The following PAPPA variants were observed in gnomAD, a reference collection of about 807,000 sequenced individuals.
The protein encoded by PAPPA is pappalysin-1.
A neutral mutation model predicts 164.0 loss-of-function variants in PAPPA; 60 were observed. The ratio of observed to expected loss-of-function variants is 0.37; its 90% CI spans 0.30 to 0.45. The LOEUF (loss-of-function observed/expected upper bound fraction) is 0.45. Ranked by LOEUF, PAPPA falls within the 20% of genes least tolerant of loss-of-function variation. PAPPA has a pLI of 1.00. For missense variants in PAPPA, 1,782 were observed against 2,087.3 expected (o/e 0.85, Z 2.85); for synonymous variants, 875 against 814.1 (o/e 1.07, Z -1.27).
At chr9:116,231,212 A>G (rs1356650089) in intron 6 of PAPPA, among the ~76,000 whole-genome samples, 1 of 152,186 alleles carries the variant, frequency 6.6e-6, no homozygotes, top group Non-Finnish European at 1.5e-5. Context: ...ATAAACATGT[A>G]ATTTTTAATT....
intron 7 of PAPPA, among the ~76,000 whole-genome samples, chr9:116,237,714 C>A (rs1044943391): frequency 4.0e-5 from 6 of 151,652 alleles, no homozygotes; most frequent in Admixed American, 2.6e-4. Flanking sequence ...TAATTCTTCT[C>A]TCTCTCTTTT....
rs1481249313 is a variant in PAPPA at position 116,187,063 on chromosome 9, C to A, written c.416-91C>A. On this transcript the variant is annotated intron_variant, in intron 1 of 21. Coordinates refer to ENST00000328252, the MANE Select transcript of PAPPA (RefSeq NM_002581.5). This position sits in a 1 kb window ranked among gnomAD's most constrained non-coding sequence, Gnocchi z 4.2. ...TTGGAAAGCGATGAGTCTAGGATAACCTGATACAAATTTTATTAGAGAAAA... is the reference window on the plus strand; with the variant it reads ...TTGGAAAGCGATGAGTCTAGGATAAACTGATACAAATTTTATTAGAGAAAA... 3.2e-6 allele frequency: 3 copies of A among 932,572 alleles called. No homozygotes were observed. Among genetic ancestry groups the A allele is most frequent in the East Asian group, 2.6e-5 (1 of 38,954 alleles). 57.8% of individuals were successfully genotyped at this position (932,572 alleles called of 1,614,324 possible).
At chr9:116,383,494 T>C (rs969486537) in intron 21 of PAPPA, among the ~76,000 whole-genome samples, 1 of 151,724 alleles carries the variant, frequency 6.6e-6, no homozygotes, top group Non-Finnish European at 1.5e-5. Context: ...CTGAGGCCCA[T>C]AAAAGAGGAA....
chr9:116,322,901 A>G (rs1845877253), intron 10 of PAPPA, among the ~76,000 whole-genome samples: 1 of 152,114 alleles, frequency 6.6e-6, no homozygotes, highest in African/African-American at 2.4e-5. Context: ...ATTTTCTTCT[A>G]TAAGGCTCAT....
At chr9:116,276,674 A>C (rs756860093) in intron 9 of PAPPA, among the ~76,000 whole-genome samples, 1 of 152,144 alleles carries the variant, frequency 6.6e-6, no homozygotes, top group Non-Finnish European at 1.5e-5. Flanking sequence ...TCTTTCCCAG[A>C]CGTGGAGGCA....
chr9:116,174,110 C>T (rs1217301143), intron 1 of PAPPA, among the ~76,000 whole-genome samples: 1 of 152,148 alleles, frequency 6.6e-6, no homozygotes. Flanking sequence ...TATTTCCCTG[C>T]TTGCATTATT....
At chr9:116,281,498 A>G (rs1449752351) in intron 9 of PAPPA, among the ~76,000 whole-genome samples, 1 of 152,120 alleles carries the variant, frequency 6.6e-6, no homozygotes, top group Non-Finnish European at 1.5e-5. Flanking sequence ...CACTGAAGCA[A>G]ATGACACTCT....
intron 7 of PAPPA, among the ~76,000 whole-genome samples, chr9:116,255,889 C>T (rs1204681969): frequency 6.6e-6 from 1 of 151,798 alleles, no homozygotes; most frequent in African/African-American, 2.4e-5. Flanking sequence ...TGTCATCTTA[C>T]TATCTTTGCC....
At position 116,170,753 on chromosome 9, in the gene PAPPA, C is replaced by A. The variant is rs184849367; in HGVS notation, c.415+16166C>A. ...GCTATCCATCCATCTATCCATCCAT[C>A]CATTCATCTGTCCATCCATCCTTCC... On this transcript the variant is annotated intron_variant, in intron 1 of 21. Transcript: ENST00000328252. Among the ~76,000 whole-genome samples, 33 of 152,090 alleles carry A rather than the reference C, an allele frequency of 2.2e-4. No homozygotes were observed. In the East Asian group the frequency reaches 5.8e-3, roughly 27 times the overall value.
At chr9:116,158,867 A>T (rs559646029) in intron 1 of PAPPA, among the ~76,000 whole-genome samples, 128 of 152,324 alleles carry the variant, frequency 8.4e-4, no homozygotes, top group African/African-American at 3.0e-3. Context: ...GACTTGGTCT[A>T]AAGTCCCACA....
At chr9:116,184,378 G>A (rs1350143544) in intron 1 of PAPPA, among the ~76,000 whole-genome samples, 1 of 152,174 alleles carries the variant, frequency 6.6e-6, no homozygotes, top group Non-Finnish European at 1.5e-5. Flanking sequence ...GTTTGAGGAG[G>A]ACCTGGGCTT....
chr9:116,240,046 A>G (rs1844717705), intron 7 of PAPPA, among the ~76,000 whole-genome samples: 1 of 152,186 alleles, frequency 6.6e-6, no homozygotes. Context: ...CTTGGCCTAT[A>G]TGGAATCTTC....
chr9:116,311,559 A>G (rs1482794006), intron 10 of PAPPA, among the ~76,000 whole-genome samples: 1 of 152,218 alleles, frequency 6.6e-6, no homozygotes, highest in Non-Finnish European at 1.5e-5. Flanking sequence ...ATTGTTTCAC[A>G]GAGGAAGCAT....
chr9:116,194,661 G>T (rs1190572148), intron 2 of PAPPA, among the ~76,000 whole-genome samples: 1 of 152,086 alleles, frequency 6.6e-6, no homozygotes, highest in Non-Finnish European at 1.5e-5. Flanking sequence ...GCTATCCTGT[G>T]GCATGTCATG....
chr9:116,361,412 G>A (rs968702343), intron 17 of PAPPA, among the ~76,000 whole-genome samples: 1 of 152,130 alleles, frequency 6.6e-6, no homozygotes, highest in African/African-American at 2.4e-5. Flanking sequence ...AAGGCTCCAC[G>A]CTTTATCTGT....
intron 19 of PAPPA, chr9:116,373,801 T>A (rs1383450222): frequency 6.6e-6 from 1 of 152,072 alleles, no homozygotes; most frequent in African/African-American, 2.4e-5. Context: ...CAGATAAATG[T>A]GGGTTTAATT....
chr9:116,229,570 T>C (rs1844559322), intron 6 of PAPPA, among the ~76,000 whole-genome samples: 3 of 152,034 alleles, frequency 2.0e-5, no homozygotes, highest in Admixed American at 2.0e-4. Context: ...TAAAACAAGG[T>C]AGAGGTGGCA....
intron 15 of PAPPA, among the ~76,000 whole-genome samples, chr9:116,350,967 G>A (rs994590141): frequency 2.0e-5 from 3 of 152,166 alleles, no homozygotes; most frequent in African/African-American, 7.2e-5. Context: ...CTAACCAGAT[G>A]AATCATACTG....
intron 1 of PAPPA, among the ~76,000 whole-genome samples, chr9:116,177,401 C>T (rs1377772555): frequency 6.6e-6 from 1 of 152,158 alleles, no homozygotes. Flanking sequence ...AGCATTTTGT[C>T]AACTTAATTG....
Sources: allele counts gnomAD v4.1 joint callset (sites outside exome capture counted in the v4.1 genomes callset), GRCh38; gene constraint gnomAD v4.1.1; non-coding constraint Gnocchi (gnomAD v3.1); transcripts MANE v1.5; gene names NCBI Gene and HGNC (gene_info 2026-07-23, HGNC 2026-07-21).